Variants in SLC16A2 observed in about 807,000 individuals in gnomAD.
The protein encoded by SLC16A2 is solute carrier family 16 member 2, also known as monocarboxylate transporter 8.
Under a neutral mutation model 27.2 loss-of-function variants are expected in SLC16A2, and 3 were observed. The ratio of observed to expected loss-of-function variants is 0.11; its 90% CI spans 0.05 to 0.28. The LOEUF is 0.28. Ranked by LOEUF, SLC16A2 falls within the 10% of genes least tolerant of loss-of-function variation. The probability of loss-of-function intolerance (pLI) is 1.00; values close to 1 mark genes in which losing one functional copy is unlikely to be tolerated. For synonymous variants in SLC16A2, 202 were observed against 187.8 expected (o/e 1.08, Z -0.62); for missense variants, 295 against 458.5 (o/e 0.64, Z 3.26).
At position 74,468,304 on chromosome X, in the gene SLC16A2, C is replaced by T. The variant is rs1401292780; in HGVS notation, c.430+46237C>T. Among the ~76,000 whole-genome samples, 9 of 111,893 alleles carry T rather than the reference C, an allele frequency of 8.0e-5. No homozygotes were observed. In the East Asian group the frequency reaches 8.4e-4, roughly 10 times the overall value. On this transcript the variant is annotated intron_variant, in intron 1 of 5. Transcript: ENST00000587091. The stretch of plus-strand genomic sequence containing the variant: ...CTCGCAGACCTTGGCAAATACTAAT[C>T]CACTTTCTGTTTCTATAAATGTGTA...
At chrX:74,454,185 G>A (rs1334330282) in intron 1 of SLC16A2, among the ~76,000 whole-genome samples, 2 of 111,617 alleles carry the variant, frequency 1.8e-5, no homozygotes, top group Admixed American at 9.5e-5. Flanking sequence ...CTCAGGGATC[G>A]AGAACTAGAA....
intron 1 of SLC16A2, among the ~76,000 whole-genome samples, chrX:74,462,710 C>T (rs761883110): frequency 8.9e-6 from 1 of 111,921 alleles, no homozygotes; most frequent in East Asian, 2.8e-4. Flanking sequence ...GTAGGGGGAA[C>T]TTTCACAGCC....
intron 1 of SLC16A2, among the ~76,000 whole-genome samples, chrX:74,469,129 C>T (rs1186518623): frequency 1.8e-5 from 2 of 112,021 alleles, no homozygotes; most frequent in Non-Finnish European, 3.8e-5. Flanking sequence ...CAGTTCTACT[C>T]ACGTTGTTGC....
intron 1 of SLC16A2, among the ~76,000 whole-genome samples, chrX:74,437,375 G>T (rs1230576481): frequency 8.9e-6 from 1 of 112,287 alleles, no homozygotes; most frequent in Non-Finnish European, 1.9e-5. Context: ...ACATGACGAG[G>T]AGATCAAGCT....
chrX:74,516,045 C>CTTTTGTGT (rs1048157930), intron 1 of SLC16A2, among the ~76,000 whole-genome samples: 11 of 111,689 alleles, frequency 9.8e-5, no homozygotes, highest in African/African-American at 3.6e-4. Context: ...ATTTCTTCTC[C>CTTTTGTGT]TTTTGTGTTT....
chrX:74,489,961 TCA>T (rs1473270906), intron 1 of SLC16A2, among the ~76,000 whole-genome samples: 2 of 22,922 alleles, frequency 8.7e-5, no homozygotes, highest in African/African-American at 2.4e-4. Context: ...ATTATAAAGG[TCA>T]CACACATACA....
chrX:74,441,474 T>C (rs145261102), intron 1 of SLC16A2, among the ~76,000 whole-genome samples: 1,787 of 112,145 alleles, frequency 0.016, 20 homozygotes, highest in Non-Finnish European at 0.026. Context: ...AAAAGCCCAG[T>C]ATTTATTTAA....
intron 1 of SLC16A2, among the ~76,000 whole-genome samples, chrX:74,457,556 T>G (rs1045406387): frequency 9.0e-6 from 1 of 111,612 alleles, no homozygotes; most frequent in Non-Finnish European, 1.9e-5. Flanking sequence ...TCATGCTAGA[T>G]CAGAAGTATT....
At chrX:74,467,927 C>T (rs936133915) in intron 1 of SLC16A2, among the ~76,000 whole-genome samples, 2 of 111,320 alleles carry the variant, frequency 1.8e-5, no homozygotes, top group African/African-American at 3.3e-5. Context: ...ACCACCCACA[C>T]ATACCTTCTT....
chrX:74,472,728 C>T (rs1363789213), intron 1 of SLC16A2, among the ~76,000 whole-genome samples: 1 of 83,977 alleles, frequency 1.2e-5, no homozygotes, highest in Non-Finnish European at 2.1e-5. Flanking sequence ...ATTTAGCAAT[C>T]AACAGCATGG....
At chrX:74,428,081 T>C (rs762923047) in intron 1 of SLC16A2, among the ~76,000 whole-genome samples, 1 of 105,841 alleles carries the variant, frequency 9.4e-6, no homozygotes, top group East Asian at 3.5e-4. Flanking sequence ...TGGGAAACTT[T>C]ATTGCAAGTC....
At chrX:74,423,407 A>G (rs917777203) in intron 1 of SLC16A2, among the ~76,000 whole-genome samples, 1 of 111,950 alleles carries the variant, frequency 8.9e-6, no homozygotes, top group Non-Finnish European at 1.9e-5. Flanking sequence ...TGAATTCTGG[A>G]GTGTCCACCT....
chrX:74,486,536 C>T (rs1468192845), intron 1 of SLC16A2, among the ~76,000 whole-genome samples: 1 of 111,646 alleles, frequency 9.0e-6, no homozygotes, highest in Non-Finnish European at 1.9e-5. Context: ...AATGAGATAC[C>T]ATCTCACACC....
At position 74,533,904 on chromosome X, in the gene SLC16A2, G is replaced by A. The variant is rs1216735106; in HGVS notation, c.*2351G>A. 1.8e-5 allele frequency: 2 copies of A among 112,375 alleles called. No homozygotes were observed. Among genetic ancestry groups the A allele is most frequent in the Admixed American group, 9.4e-5 (1 of 10,620 alleles). The allele number at this position is 112,375 out of a possible 1,213,427, so 9.3% of individuals were successfully genotyped here. ...CAAGGAGTTTGGAACAAAATAAACAGATCTAAAAATTTGGTTTGGGTATGT... is the reference window on the plus strand; with the variant it reads ...CAAGGAGTTTGGAACAAAATAAACAAATCTAAAAATTTGGTTTGGGTATGT... On this transcript the variant is annotated 3_prime_UTR_variant, in exon 6 of 6. Coordinates refer to ENST00000587091, the MANE Select transcript of SLC16A2 (RefSeq NM_006517.5).
intron 1 of SLC16A2, among the ~76,000 whole-genome samples, chrX:74,498,085 T>C (rs777249571): frequency 9.0e-6 from 1 of 111,629 alleles, no homozygotes; most frequent in Admixed American, 9.5e-5. Flanking sequence ...ATTTAGTTTA[T>C]GGTTTAACCT....
chrX:74,506,944 T>TAC (rs1930144802), intron 1 of SLC16A2, among the ~76,000 whole-genome samples: 2 of 57,074 alleles, frequency 3.5e-5, no homozygotes, highest in African/African-American at 8.6e-5. Context: ...TTTATTTTTT[T>TAC]TTTTTTGAGG....
intron 1 of SLC16A2, among the ~76,000 whole-genome samples, chrX:74,471,612 C>T (rs1929358684): frequency 1.8e-5 from 2 of 111,452 alleles, no homozygotes; most frequent in South Asian, 7.5e-4. Context: ...TACTGGTGCC[C>T]CTTGAAGCAC....
intron 1 of SLC16A2, among the ~76,000 whole-genome samples, chrX:74,434,515 G>C (rs1264678387): frequency 9.0e-6 from 1 of 110,741 alleles, no homozygotes; most frequent in African/African-American, 3.3e-5. Flanking sequence ...AAATACTGAG[G>C]ACATTTGGGG....
At chrX:74,507,407 CTT>C (rs755502498) in intron 1 of SLC16A2, among the ~76,000 whole-genome samples, 3 of 112,034 alleles carry the variant, frequency 2.7e-5, no homozygotes, top group South Asian at 3.7e-4. Context: ...AAAGGGAACA[CTT>C]ATACACTGTT....
Sources: allele counts gnomAD v4.1 joint callset (sites outside exome capture counted in the v4.1 genomes callset), GRCh38; gene constraint gnomAD v4.1.1; transcripts MANE v1.5; gene names NCBI Gene and HGNC (gene_info 2026-07-23, HGNC 2026-07-21).